TNFSF11: variants seen among roughly 807,000 people sequenced by gnomAD.
TNFSF11 encodes the protein TNF superfamily member 11, also known as tumor necrosis factor ligand superfamily member 11.
In TNFSF11, 12 loss-of-function variants were observed where a neutral mutation model predicts 32.2. The ratio of observed to expected loss-of-function variants is 0.37; its 90% confidence interval spans 0.24 to 0.60. TNFSF11 has a LOEUF of 0.60. Ranked by LOEUF, TNFSF11 falls within the 20% of genes least tolerant of loss-of-function variation. The pLI is 0.66. For synonymous variants in TNFSF11, 172 were observed against 152.1 expected (o/e 1.13, Z -0.96); for missense variants, 345 against 398.0 (o/e 0.87, Z 1.13).
chr13:42,566,151 T>C (rs1445358200), intron 1 of TNFSF11, among the ~76,000 whole-genome samples: 1 of 152,244 alleles, frequency 6.6e-6, no homozygotes, highest in Non-Finnish European at 1.5e-5. Context: ...ATCCCATAGC[T>C]TCTTGGGAGA....
intron 1 of TNFSF11, among the ~76,000 whole-genome samples, chr13:42,576,638 C>T (rs1002863951): frequency 3.3e-5 from 5 of 152,086 alleles, no homozygotes; most frequent in Non-Finnish European, 5.9e-5. Context: ...AAAAGGCTAT[C>T]TCCTTCAGTA....
At chr13:42,601,006 GAAA>G in intron 4 of TNFSF11, 25 bp downstream of exon 4, 1 of 1,612,572 alleles carries the variant, frequency 6.2e-7, no homozygotes, top group Non-Finnish European at 8.5e-7. Flanking sequence ...CATCCAGCCT[GAAA>G]AATATTTTAA....
intron 2 of TNFSF11, among the ~76,000 whole-genome samples, chr13:42,589,912 A>G (rs1239842266): frequency 6.6e-6 from 1 of 152,206 alleles, no homozygotes; most frequent in Non-Finnish European, 1.5e-5. Context: ...TTCTTTGTGT[A>G]GTCGGTTTTC....
rs779749554 is a variant in TNFSF11, at chr13:42,574,569, C to T, written c.219+47C>T. 1.5e-5 allele frequency: 24 copies of T among 1,581,604 alleles called. No individual in the cohort carries two copies. The East Asian group carries it at 1.8e-4, about 12-fold the overall frequency. On this transcript the variant is annotated intron_variant, in intron 1 of 4. Coordinates refer to ENST00000398795, the MANE Select transcript of TNFSF11 (RefSeq NM_003701.4). ...GGATCGCGGCTGAGAGCGCCCATCT[C>T]CTTCCCCCGCACTTGGAAACTGAGT...
intron 2 of TNFSF11, among the ~76,000 whole-genome samples, chr13:42,599,375 T>G (rs1869030934): frequency 6.6e-6 from 1 of 151,774 alleles, no homozygotes; most frequent in Admixed American, 6.6e-5. Flanking sequence ...TATCTATCTA[T>G]CTATCTATCT....
chr13:42,568,941 A>T (rs1872960240), intron 2 of TNFSF11, among the ~76,000 whole-genome samples: 1 of 152,174 alleles, frequency 6.6e-6, no homozygotes, highest in Admixed American at 6.5e-5. Context: ...CCTGGCAGGA[A>T]ATAGGTGGCA....
intron 2 of TNFSF11, among the ~76,000 whole-genome samples, chr13:42,582,209 C>T (rs574376205): frequency 6.6e-6 from 1 of 152,124 alleles, no homozygotes; most frequent in East Asian, 1.9e-4. Flanking sequence ...TTTAAAAATC[C>T]ACATATAGTA....
chr13:42,594,133 G>T (rs991905668), intron 2 of TNFSF11, among the ~76,000 whole-genome samples: 2 of 152,080 alleles, frequency 1.3e-5, no homozygotes, highest in Non-Finnish European at 2.9e-5. Flanking sequence ...AGGCTGGAGT[G>T]CAGTGGTGTG....
intron 2 of TNFSF11, among the ~76,000 whole-genome samples, chr13:42,592,062 A>G (rs1415708232): frequency 3.9e-5 from 6 of 152,294 alleles, no homozygotes; most frequent in African/African-American, 9.6e-5. Flanking sequence ...GTGAAAAACT[A>G]ATGTTTTTCT....
intron 2 of TNFSF11, among the ~76,000 whole-genome samples, chr13:42,595,451 C>T (rs1381846672): frequency 1.3e-5 from 2 of 152,150 alleles, no homozygotes; most frequent in Non-Finnish European, 2.9e-5. Context: ...GATGAATATG[C>T]CGTATCCTGA....
In TNFSF11 at chr13:42,600,988, T is replaced by C. The variant is rs907388268; in HGVS notation, c.532+7T>C. 6.2e-7 allele frequency: 1 copy of C among 1,613,872 alleles called. No homozygotes were observed. The highest frequency in any genetic ancestry group is 8.5e-7 in the Non-Finnish European group (1 of 1,179,794). ...GCCACCGACATCCCATCTGGTAAGC[T>C]CTATCTGCATCCAGCCTGAAAAATA... On this transcript the variant is annotated splice_region_variant and intron_variant, in intron 4 of 4. Coordinates refer to ENST00000398795, the MANE Select transcript of TNFSF11 (RefSeq NM_003701.4).
At position 42,574,446 on chromosome 13, in the gene TNFSF11, T is replaced by C. The variant is rs750006547; in HGVS notation, c.143T>C (p.Met48Thr). Residue 48 changes from methionine to threonine, a missense_variant, in exon 1 of 5, where the codon ATG becomes ACG. Physicochemically the swap from Met to Thr is moderately conservative, Grantham distance 81. Transcript: ENST00000398795. Reference protein sequence around the residue: ...PHQPPAASRSMFVALLGLGLG... With the variant: ...PHQPPAASRSTFVALLGLGLG... ...CAGCCCCCTGCCGCCTCCCGCTCCA[T>C]GTTCGTGGCCCTCCTGGGGCTGGGG... 1.3e-5 allele frequency: 21 copies of C among 1,607,730 alleles called. No homozygotes were observed. The highest frequency in any genetic ancestry group is 2.1e-4 in the Middle Eastern group (1 of 4,718).
chr13:42,598,862 G>T (rs79798562), intron 2 of TNFSF11, among the ~76,000 whole-genome samples: 7 of 152,288 alleles, frequency 4.6e-5, no homozygotes, highest in East Asian at 1.9e-4. Flanking sequence ...TGAAGGCAGG[G>T]GAGACAAAAC....
chr13:42,568,879 T>A (rs1453246845), intron 2 of TNFSF11, among the ~76,000 whole-genome samples: 1 of 152,230 alleles, frequency 6.6e-6, no homozygotes. Flanking sequence ...ATAGCCACAC[T>A]TATAAATTAG....
At chr13:42,595,611 T>G (rs75758251) in intron 2 of TNFSF11, among the ~76,000 whole-genome samples, 3,742 of 152,302 alleles carry the variant, frequency 0.025, 153 homozygotes, top group African/African-American at 0.085. Context: ...TTTGTTGAAG[T>G]TACCTGCACT....
intron 1 of TNFSF11, among the ~76,000 whole-genome samples, chr13:42,575,850 T>C (rs1873286762): frequency 6.6e-6 from 1 of 152,236 alleles, no homozygotes; most frequent in South Asian, 2.1e-4. Flanking sequence ...TGACTAAACG[T>C]CTTTCTTTCA....
intron 1 of TNFSF11, among the ~76,000 whole-genome samples, chr13:42,576,013 A>C (rs757552090): frequency 5.3e-5 from 8 of 152,266 alleles, no homozygotes; most frequent in Non-Finnish European, 1.0e-4. Flanking sequence ...TTCAACAGAC[A>C]GTGTCCACTT....
Position 42,606,662 on chromosome 13 carries a change from C to A in TNFSF11, c.698C>A (p.Thr233Lys). ...CATGAAACTTCAGGAGACCTAGCTACAGAGTATCTTCAACTAATGGTGTAC... is the reference window on the plus strand; with the variant it reads ...CATGAAACTTCAGGAGACCTAGCTAAAGAGTATCTTCAACTAATGGTGTAC... The part of the protein sequence containing the change: ...RHHETSGDLA[T>K]EYLQLMVYVT... Residue 233 changes from threonine to lysine, a missense_variant, in exon 5 of 5, where the codon ACA (threonine) becomes AAA (lysine). By Grantham distance (78) the Thr-to-Lys change is moderately conservative (BLOSUM62 -1). Transcript: ENST00000398795. 6.2e-7 allele frequency: 1 copy of A among 1,614,222 alleles called. No homozygotes were observed. Among genetic ancestry groups the A allele is most frequent in the Non-Finnish European group, 8.5e-7 (1 of 1,180,038 alleles).
intron 2 of TNFSF11, among the ~76,000 whole-genome samples, chr13:42,582,676 G>T (rs1400721583): frequency 6.6e-6 from 1 of 152,166 alleles, no homozygotes. Flanking sequence ...TAGGTGTTTG[G>T]CTTCACGCAG....
Sources: gnomAD v4.1 joint callset for allele counts (sites outside exome capture counted in the v4.1 genomes callset) on GRCh38, gnomAD v4.1.1 for gene constraint, MANE v1.5 for transcripts, NCBI Gene and HGNC (gene_info 2026-07-23, HGNC 2026-07-21) for gene names.